Variants in STON2 observed in about 807,000 individuals in gnomAD.
The protein encoded by STON2 is stonin-2.
Under a neutral mutation model 65.7 loss-of-function variants are expected in STON2, and 29 were observed. That is an observed-to-expected ratio of 0.44 (90% CI 0.33 to 0.60). The LOEUF is 0.60. Among genes scored for constraint, STON2 ranks in the 20% least tolerant of loss-of-function variants. The pLI, the probability that STON2 is intolerant of heterozygous loss-of-function variation, is 0.03. For synonymous variants in STON2, 404 were observed against 414.2 expected (o/e 0.98, Z 0.30); for missense variants, 1,054 against 1,118.1 (o/e 0.94, Z 0.82).
At chr14:81,392,512 A>G (rs1180396645) in intron 3 of STON2, among the ~76,000 whole-genome samples, 2 of 152,220 alleles carry the variant, frequency 1.3e-5, no homozygotes, top group African/African-American at 4.8e-5. Context: ...GAACTTTAGG[A>G]AAATTCCTGC....
At chr14:81,359,374 T>C (rs1898390664) in intron 4 of STON2, among the ~76,000 whole-genome samples, 3 of 152,214 alleles carry the variant, frequency 2.0e-5, no homozygotes, top group Admixed American at 6.5e-5. Flanking sequence ...TTATGGAATG[T>C]GGCAAAGACA....
At chr14:81,273,913 G>C (rs1459267564) in intron 6 of STON2, among the ~76,000 whole-genome samples, 1 of 152,190 alleles carries the variant, frequency 6.6e-6, no homozygotes, top group East Asian at 1.9e-4. Context: ...CTTAAAGAAG[G>C]TTAAGGATTA....
intron 5 of STON2, among the ~76,000 whole-genome samples, chr14:81,317,613 G>A (rs8021083): frequency 0.78 from 118,636 of 152,162 alleles, 46,526 homozygotes; most frequent in Non-Finnish European, 0.82. Context: ...ATGTGCCATC[G>A]GGAAGGGACA....
At chr14:81,322,107 C>T (rs751380371) in intron 5 of STON2, among the ~76,000 whole-genome samples, 1 of 152,174 alleles carries the variant, frequency 6.6e-6, no homozygotes, top group African/African-American at 2.4e-5. Flanking sequence ...TCTCTTCTTC[C>T]ACCTCTTGAA....
intron 1 of STON2, among the ~76,000 whole-genome samples, chr14:81,428,065 A>C (rs1166681249): frequency 6.6e-6 from 1 of 152,186 alleles, no homozygotes; most frequent in Non-Finnish European, 1.5e-5. Flanking sequence ...CTGACCTTAC[A>C]GCGTTGAGGT....
At position 81,306,175 on chromosome 14, in the gene STON2, A is replaced by C. The variant is rs199791128; in HGVS notation, c.742+17842T>G. On this transcript the variant is annotated intron_variant, in intron 5 of 7. Transcript: ENST00000614646. ...TAAATCTCTCTCTCTCTCTATATATATATATATATACACTCTATTTTATAT... is the reference window on the plus strand; with the variant it reads ...TAAATCTCTCTCTCTCTCTATATATCTATATATATACACTCTATTTTATAT... Among the ~76,000 whole-genome samples the C allele has an allele frequency of 3.0e-3, 386 of 126,984 alleles. 2 individuals carry two copies. The highest frequency in any genetic ancestry group is 0.019 in the Middle Eastern group (4 of 212). The allele number at this position is 126,984 out of a possible 152,430, so 83.3% of individuals were successfully genotyped here.
chr14:81,434,967 T>C (rs1902359801), intron 1 of STON2, among the ~76,000 whole-genome samples: 2 of 152,114 alleles, frequency 1.3e-5, no homozygotes, highest in East Asian at 1.9e-4. Flanking sequence ...CTCTCTCTCT[T>C]TCTCCCTCCC....
intron 5 of STON2, among the ~76,000 whole-genome samples, chr14:81,322,878 C>T (rs1200248251): frequency 6.6e-6 from 1 of 152,178 alleles, no homozygotes; most frequent in African/African-American, 2.4e-5. Flanking sequence ...CCTTAAGTTG[C>T]CTGCACAGAG....
At position 81,277,494 on chromosome 14, in the gene STON2, G is replaced by A. The variant is rs1418410678; in HGVS notation, c.1988C>T (p.Ser663Phe). The change falls in exon 6 of 8, where the codon TCT becomes TTT. Residue 663 changes from serine (S) to phenylalanine (F), a missense_variant. Transcript: ENST00000614646. ...GCCCAGGCGGCACTCTGCGAGCCCA[G>A]ACAGGAAACTCAGGATGTGGATCCG... The part of the protein sequence containing the change: ...LTRIHILSFL[S>F]GLAECRLGLN... 3.1e-6 allele frequency: 5 copies of A among 1,614,042 alleles called. No individual in the cohort carries two copies. The highest frequency in any genetic ancestry group is 4.2e-6 in the Non-Finnish European group (5 of 1,180,044).
rs1356603169 is a variant in STON2, at chr14:81,324,049, C to T, written c.710G>A (p.Gly237Asp). The change falls in exon 5 of 8, where the codon GGC (glycine) becomes GAC (aspartate). Residue 237 changes from glycine (G) to aspartate (D), a missense_variant. Coordinates refer to ENST00000614646, the MANE Select transcript of STON2 (RefSeq NM_001394390.1). The stretch of plus-strand genomic sequence containing the variant: ...AGCAGAGGCCCCCTCCGGACCCTCG[C>T]CGGGGTTCTGGCTCCTCTTGGGCTG... The part of the protein sequence containing the change: ...SPQPKRSQNP[G>D]EGPEGASAPN... Among the ~76,000 whole-genome samples, 6 of 152,242 alleles carry T rather than the reference C, an allele frequency of 3.9e-5. No individual in the cohort carries two copies. Among genetic ancestry groups the T allele is most frequent in the East Asian group, 3.8e-4 (2 of 5,206 alleles).
chr14:81,387,470 G>C lies in STON2; in HGVS notation c.373+8424C>G, dbSNP rs1255402757. Among the ~76,000 whole-genome samples, 5 of 152,098 alleles carry C rather than the reference G, an allele frequency of 3.3e-5. 1 individual carries two copies. In the South Asian group the frequency reaches 6.2e-4, roughly 19 times the overall value. Reference sequence around the variant, plus strand: ...TCATTTGGCCTCCCTCAAATTTCAAGGGTTTTAATGTTGAACATAATTTTC... The same window carrying C: ...TCATTTGGCCTCCCTCAAATTTCAACGGTTTTAATGTTGAACATAATTTTC... On this transcript the variant is annotated intron_variant, in intron 3 of 7. Coordinates refer to ENST00000614646, the MANE Select transcript of STON2 (RefSeq NM_001394390.1).
intron 4 of STON2, among the ~76,000 whole-genome samples, chr14:81,367,685 G>C (rs145973548): frequency 1.3e-3 from 194 of 152,320 alleles, no homozygotes; most frequent in African/African-American, 4.4e-3. Flanking sequence ...GGTTATTACA[G>C]CTCAGGATGC....
chr14:81,362,469 C>T (rs1321004535), intron 4 of STON2, among the ~76,000 whole-genome samples: 1 of 152,018 alleles, frequency 6.6e-6, no homozygotes, highest in Non-Finnish European at 1.5e-5. Flanking sequence ...ATGGTGGTTA[C>T]CAGAGCCTAG....
At chr14:81,386,758 C>T (rs1899826635) in intron 3 of STON2, among the ~76,000 whole-genome samples, 1 of 152,212 alleles carries the variant, frequency 6.6e-6, no homozygotes, top group African/African-American at 2.4e-5. Context: ...GAACAGGAAG[C>T]TTCATGCTGA....
At chr14:81,435,213 C>T (rs539320432) in intron 1 of STON2, among the ~76,000 whole-genome samples, 1 of 152,108 alleles carries the variant, frequency 6.6e-6, no homozygotes, top group Admixed American at 6.5e-5. Context: ...TTACCGCCCC[C>T]CAAAAGGACA....
chr14:81,393,953 G>A (rs2140431469), intron 3 of STON2, among the ~76,000 whole-genome samples: 1 of 152,340 alleles, frequency 6.6e-6, no homozygotes, highest in Admixed American at 6.5e-5. Context: ...ACTTTGGGAG[G>A]CTAAGGCAGG....
chr14:81,348,021 A>C (rs577889176), intron 4 of STON2, among the ~76,000 whole-genome samples: 1 of 152,152 alleles, frequency 6.6e-6, no homozygotes, highest in Non-Finnish European at 1.5e-5. Flanking sequence ...AAGAAAAAAA[A>C]ACTAAAATCA....
At chr14:81,328,770 T>C (rs930110809) in intron 4 of STON2, among the ~76,000 whole-genome samples, 4 of 151,954 alleles carry the variant, frequency 2.6e-5, no homozygotes, top group Non-Finnish European at 5.9e-5. Context: ...TTCTTTTAGC[T>C]CCCAAGAGAG....
rs924154470 is a variant in STON2 at position 81,267,292 on chromosome 14, A to G, written c.*1122T>C. The G allele has an allele frequency of 7.1e-5, 70 of 985,402 alleles. No homozygotes were observed. In the African/African-American group the frequency reaches 1.0e-3, roughly 15 times the overall value. The allele number at this position is 985,402 out of a possible 1,614,324, so 61.0% of individuals were successfully genotyped here. On this transcript the variant is annotated 3_prime_UTR_variant, in exon 8 of 8. Transcript: ENST00000614646. ...ATAATGTTCCCAACATTAGAAAAAT[A>G]TGGCTTTTCCACGTCTCTACCCTAG...
Sources: gnomAD v4.1 joint callset for allele counts (sites outside exome capture counted in the v4.1 genomes callset) on GRCh38, gnomAD v4.1.1 for gene constraint, MANE v1.5 for transcripts, NCBI Gene and HGNC (gene_info 2026-07-23, HGNC 2026-07-21) for gene names.